The following KDM4C variants were observed in gnomAD, a reference collection of about 807,000 sequenced individuals.
KDM4C encodes the protein lysine demethylase 4C.
KDM4C carries 81 observed loss-of-function variants against 129.3 expected under a neutral mutation model. The ratio of observed to expected loss-of-function variants is 0.63; its 90% CI spans 0.52 to 0.75. The LOEUF is 0.75. KDM4C is among the 30% of genes least tolerant of loss of function. KDM4C has a pLI of 0.00. For missense variants in KDM4C, 1,457 were observed against 1,304.0 expected, an observed-to-expected ratio of 1.12 and a Z score of -1.81; for synonymous variants, 573 against 456.1, an observed-to-expected ratio of 1.26 and a Z score of -3.26.
At chr9:6,754,570 T>C (rs979648363), upstream of KDM4C, among the ~76,000 whole-genome samples, 5 of 152,166 alleles carry the variant, frequency 3.3e-5, no homozygotes, top group Admixed American at 6.6e-5. Context: ...AATTAGACTA[T>C]TATTTAGAAG....
At chr9:6,922,895 T>G (rs1394609212) in intron 8 of KDM4C, among the ~76,000 whole-genome samples, 1 of 152,254 alleles carries the variant, frequency 6.6e-6, no homozygotes, top group African/African-American at 2.4e-5. Flanking sequence ...TCAAGCCACT[T>G]AAACTGTGCG....
At chr9:6,741,713 T>C (rs1817703728) in intron 1 of KDM4C, among the ~76,000 whole-genome samples, 1 of 148,532 alleles carries the variant, frequency 6.7e-6, no homozygotes, top group Non-Finnish European at 1.5e-5. Flanking sequence ...GTGACACTTT[T>C]TATTCAGCAC....
intron 8 of KDM4C, among the ~76,000 whole-genome samples, chr9:6,932,816 G>C (rs1824004136): frequency 1.3e-5 from 2 of 152,168 alleles, no homozygotes; most frequent in African/African-American, 4.8e-5. Flanking sequence ...TCTGCCAAGG[G>C]TACTGCAAAA....
chr9:6,934,885 C>T (rs1589188912), intron 8 of KDM4C, among the ~76,000 whole-genome samples: 1 of 148,550 alleles, frequency 6.7e-6, no homozygotes, highest in East Asian at 2.0e-4. Context: ...AATAATATTT[C>T]TTTTTTTTTT....
At chr9:6,995,426 A>G (rs1819515691) in intron 12 of KDM4C, among the ~76,000 whole-genome samples, 1 of 152,210 alleles carries the variant, frequency 6.6e-6, no homozygotes, top group Non-Finnish European at 1.5e-5. Flanking sequence ...TACCTTGAAT[A>G]AGGTAAATGT....
At chr9:6,959,434 T>C (rs1253529304) in intron 8 of KDM4C, among the ~76,000 whole-genome samples, 4 of 152,210 alleles carry the variant, frequency 2.6e-5, no homozygotes, top group Non-Finnish European at 1.5e-5. Flanking sequence ...TTCTGAACTT[T>C]GGTCTGCCTA....
At chr9:6,905,259 G>C (rs900610317) in intron 8 of KDM4C, among the ~76,000 whole-genome samples, 1 of 152,140 alleles carries the variant, frequency 6.6e-6, no homozygotes, top group Admixed American at 6.5e-5. Context: ...CTTGGCAGGA[G>C]ATTGAGGGAT....
At chr9:7,022,637 C>CTTTTTTTTTTTT (rs375675040) in intron 15 of KDM4C, among the ~76,000 whole-genome samples, 128 of 133,904 alleles carry the variant, frequency 9.6e-4, no homozygotes, top group Non-Finnish European at 1.4e-3. Context: ...CCCTTTATTT[C>CTTTTTTTTTTTT]TTTTTTTTTT....
intron 8 of KDM4C, among the ~76,000 whole-genome samples, chr9:6,922,700 T>C (rs1821755368): frequency 6.6e-6 from 1 of 152,236 alleles, no homozygotes; most frequent in South Asian, 2.1e-4. Flanking sequence ...TGAACCATGA[T>C]TGCACCACTG....
At chr9:6,743,138 A>G (rs1817756640) in intron 1 of KDM4C, among the ~76,000 whole-genome samples, 1 of 152,208 alleles carries the variant, frequency 6.6e-6, no homozygotes, top group Non-Finnish European at 1.5e-5. Context: ...TAATATGAAA[A>G]TAATAAGGGA....
intron 5 of KDM4C, among the ~76,000 whole-genome samples, chr9:6,867,017 A>AT (rs139668753): frequency 7.3e-4 from 61 of 83,768 alleles, no homozygotes; most frequent in African/African-American, 2.2e-3. Context: ...ATATATATAT[A>AT]TTTTTTTTTT....
At chr9:6,848,953 A>G (rs1838348446) in intron 4 of KDM4C, among the ~76,000 whole-genome samples, 1 of 152,226 alleles carries the variant, frequency 6.6e-6, no homozygotes, top group Admixed American at 6.5e-5. Flanking sequence ...AGTTTTTCCA[A>G]TAATTAGAGT....
At chr9:7,064,856 T>A (rs913840300) in intron 17 of KDM4C, among the ~76,000 whole-genome samples, 2 of 152,220 alleles carry the variant, frequency 1.3e-5, no homozygotes, top group Non-Finnish European at 1.5e-5. Context: ...TTCTTCTAGG[T>A]GTCCATTTGG....
chr9:7,049,037 G>A (rs987243134), intron 16 of KDM4C, 55 bp from the exon 17 acceptor site: 4 of 1,154,824 alleles, frequency 3.5e-6, no homozygotes, highest in Non-Finnish European at 5.2e-6. Flanking sequence ...TCACCAAGTT[G>A]AAGTATGTAA....
chr9:6,752,727 C>G (rs915761571), upstream of KDM4C, among the ~76,000 whole-genome samples: 19 of 152,212 alleles, frequency 1.2e-4, no homozygotes, highest in African/African-American at 4.6e-4. Context: ...GTTAAAGCAA[C>G]TTCCAAAAAG....
rs1402674148 is a variant in KDM4C, at chr9:7,168,646, A to G, written c.2902-1152A>G. 5.9e-5 allele frequency among the ~76,000 whole-genome samples: 9 copies of G among 152,340 alleles called. No individual in the cohort carries two copies. In the East Asian group the frequency reaches 1.7e-3, roughly 29 times the overall value. Reference sequence around the variant, plus strand: ...CACACATTGATGAGGTTTACATGTTAGGAGGTTGAGAAACAGATTTTCCCA... The same window carrying G: ...CACACATTGATGAGGTTTACATGTTGGGAGGTTGAGAAACAGATTTTCCCA... On this transcript the variant is annotated intron_variant, in intron 20 of 21. Coordinates refer to ENST00000381309, the MANE Select transcript of KDM4C (RefSeq NM_015061.6).
At chr9:6,778,016 A>G (rs1823457818) in intron 1 of KDM4C, among the ~76,000 whole-genome samples, 2 of 146,936 alleles carry the variant, frequency 1.4e-5, no homozygotes, top group Admixed American at 6.9e-5. Context: ...GAACTCTTGG[A>G]CTCAGGGAAT....
intron 8 of KDM4C, among the ~76,000 whole-genome samples, chr9:6,951,440 T>C (rs1300013299): frequency 2.0e-5 from 3 of 152,226 alleles, no homozygotes; most frequent in Non-Finnish European, 4.4e-5. Context: ...TTATGGAGAC[T>C]GATACATCCC....
intron 19 of KDM4C, among the ~76,000 whole-genome samples, chr9:7,133,410 A>G (rs1536784): frequency 0.77 from 117,845 of 152,092 alleles, 45,991 homozygotes; most frequent in East Asian, 0.83. Context: ...TTTAGACTTT[A>G]TAATAGCCTA....
Sources: gnomAD v4.1 joint callset for allele counts (sites outside exome capture counted in the v4.1 genomes callset) on GRCh38, gnomAD v4.1.1 for gene constraint, MANE v1.5 for transcripts, NCBI Gene and HGNC (gene_info 2026-07-23, HGNC 2026-07-21) for gene names.